Variants in EZR observed in about 807,000 individuals in gnomAD.
EZR encodes the protein cytovillin 2.
A neutral mutation model predicts 74.8 loss-of-function variants in EZR; 40 were observed. That is an observed-to-expected ratio of 0.53 (90% CI 0.42 to 0.70). The LOEUF (loss-of-function observed/expected upper bound fraction) is 0.70, where lower values mean the gene tolerates loss of function less well. EZR is among the 30% of genes least tolerant of loss of function. The probability of loss-of-function intolerance (pLI) is 0.00; values close to 1 mark genes in which losing one functional copy is unlikely to be tolerated. For synonymous variants in EZR, 341 were observed against 283.3 expected, an observed-to-expected ratio of 1.20 and a Z score of -2.05; for missense variants, 678 against 755.8, an observed-to-expected ratio of 0.90 and a Z score of 1.21.
At chr6:158,791,834 G>A (rs967604849) in intron 2 of EZR, among the ~76,000 whole-genome samples, 27 of 146,784 alleles carry the variant, frequency 1.8e-4, no homozygotes, top group African/African-American at 5.8e-4. Flanking sequence ...TTAGCCTCCC[G>A]AGTAGCTGGG....
At chr6:158,806,605 T>C (rs1766690788) in intron 2 of EZR, among the ~76,000 whole-genome samples, 1 of 152,118 alleles carries the variant, frequency 6.6e-6, no homozygotes, top group Admixed American at 6.5e-5. Flanking sequence ...TCCAACATAA[T>C]TTAAAACAAT....
chr6:158,793,227 A>C (rs1791789465), intron 2 of EZR, among the ~76,000 whole-genome samples: 1 of 151,540 alleles, frequency 6.6e-6, no homozygotes. Context: ...TGAATGAAAG[A>C]GTGAGATCCT....
chr6:158,808,396 T>C (rs945670916), intron 2 of EZR, among the ~76,000 whole-genome samples: 4 of 152,250 alleles, frequency 2.6e-5, no homozygotes, highest in African/African-American at 9.6e-5. Flanking sequence ...ATGCTATCCC[T>C]GTTGAAGTCA....
In EZR at chr6:158,776,489, A is replaced by G. The variant is rs1791283138; in HGVS notation, c.714T>C (p.Ile238=). Residue 238 remains isoleucine, a synonymous_variant, in exon 8 of 14, where the codon ATT becomes ATC. Coordinates refer to ENST00000367075, the MANE Select transcript of EZR (RefSeq NM_001111077.2). ...YEKDDKLTPK[I]GFPWSEIRNI... ...TCCTGATTTCACTCCAAGGAAAGCCAATCTTTGGGGTTAACCTGAGGTTAA... is the reference window on the plus strand; with the variant it reads ...TCCTGATTTCACTCCAAGGAAAGCCGATCTTTGGGGTTAACCTGAGGTTAA... 1.9e-6 allele frequency: 3 copies of G among 1,613,382 alleles called. No individual in the cohort carries two copies.
At position 158,818,213 on chromosome 6, in the gene EZR, T is replaced by C. The variant is rs1777605100; in HGVS notation, c.-73-47A>G. 3 of 1,101,038 alleles carry C rather than the reference T, an allele frequency of 2.7e-6. No homozygotes were observed. The African/African-American group carries it at 4.9e-5, about 18-fold the overall frequency. 68.2% of individuals were successfully genotyped at this position (1,101,038 alleles called of 1,614,324 possible). ...TAGAGCGCCCGCCCGCCCTGCCTCG[T>C]CCTCCTGCCGCGCCCGACACTCGGC... On this transcript the variant is annotated intron_variant, in intron 1 of 13. Transcript: ENST00000367075.
At chr6:158,816,556 T>C (rs1188689692) in intron 2 of EZR, among the ~76,000 whole-genome samples, 1 of 152,186 alleles carries the variant, frequency 6.6e-6, no homozygotes, top group South Asian at 2.1e-4. Context: ...GGGTTGTACT[T>C]AGGTCAGTTT....
rs78196406 is a variant in EZR, at chr6:158,770,792, A to G, written c.1062T>C (p.Tyr354=). The change falls in exon 10 of 14, where the codon TAT becomes TAC. Residue 354 remains tyrosine (Y), a synonymous_variant. Transcript: ENST00000367075. ...TCTCTGCCTTCTTTGTCTTCTCCTC[A>G]TAGTCCTGCAGCCGCAGCATCAACT... The part of the protein sequence containing the change: ...KEELMLRLQD[Y]EEKTKKAERE... 722 of 1,614,032 alleles carry G rather than the reference A, an allele frequency of 4.5e-4. 5 individuals carry two copies. In the East Asian group the frequency reaches 0.015, roughly 34 times the overall value.
Position 158,781,617 on chromosome 6 carries a change from T to G in EZR, c.698+1903A>C, listed in dbSNP as rs559019453. On this transcript the variant is annotated intron_variant, in intron 7 of 13. Transcript: ENST00000367075. ...TTACAAAATCTGGTCATTGAAGAGA[T>G]TTCCAAGGCAGAGGCAGTTTCCCAC... Among the ~76,000 whole-genome samples, 3 of 152,130 alleles carry G rather than the reference T, an allele frequency of 2.0e-5. No individual in the cohort carries two copies. The East Asian group carries it at 5.8e-4, about 29-fold the overall frequency.
intron 10 of EZR, among the ~76,000 whole-genome samples, 179 bp downstream of exon 10, chr6:158,770,585 T>A (rs983247500): frequency 7.2e-5 from 11 of 152,198 alleles, no homozygotes; most frequent in African/African-American, 2.4e-4. Context: ...AGCATCAAAG[T>A]TAAATAAGTA....
intron 7 of EZR, 68 bp from the exon 8 acceptor site, chr6:158,776,572 T>G: frequency 5.4e-6 from 6 of 1,117,210 alleles, no homozygotes; most frequent in Non-Finnish European, 7.8e-6. Context: ...TAAGAGAGAT[T>G]CGCAAATCAA....
intron 2 of EZR, among the ~76,000 whole-genome samples, chr6:158,808,169 T>C (rs1368354823): frequency 6.6e-6 from 1 of 152,200 alleles, no homozygotes; most frequent in Non-Finnish European, 1.5e-5. Flanking sequence ...GGAATCCTAG[T>C]GGCCAACCCT....
intron 2 of EZR, among the ~76,000 whole-genome samples, chr6:158,801,985 G>C (rs3127189): frequency 0.11 from 17,114 of 152,228 alleles, 991 homozygotes; most frequent in Middle Eastern, 0.15. Context: ...GACAATTCAA[G>C]CTTGGCCACA....
intron 7 of EZR, among the ~76,000 whole-genome samples, chr6:158,782,213 AGAG>A (rs1265350543): frequency 2.6e-5 from 4 of 152,138 alleles, no homozygotes; most frequent in African/African-American, 9.6e-5. Context: ...CCCGGAGGTG[AGAG>A]GAGGTTGGGC....
chr6:158,801,744 G>A (rs1485947610), intron 2 of EZR, among the ~76,000 whole-genome samples: 1 of 152,182 alleles, frequency 6.6e-6, no homozygotes, highest in East Asian at 1.9e-4. Flanking sequence ...ACTCCCCACA[G>A]GGGTCAAAGT....
chr6:158,809,994 A>G (rs1777418987), intron 2 of EZR, among the ~76,000 whole-genome samples: 1 of 152,216 alleles, frequency 6.6e-6, no homozygotes, highest in Non-Finnish European at 1.5e-5. Flanking sequence ...AACTGTCCAC[A>G]CAGGCAGTTT....
chr6:158,782,904 A>C (rs1325834811), intron 7 of EZR, among the ~76,000 whole-genome samples: 2 of 152,226 alleles, frequency 1.3e-5, no homozygotes, highest in Non-Finnish European at 1.5e-5. Flanking sequence ...AGCAGAAAGA[A>C]GGCAAATGCC....
chr6:158,790,026 G>A (rs994117702), intron 2 of EZR, among the ~76,000 whole-genome samples: 1 of 152,158 alleles, frequency 6.6e-6, no homozygotes, highest in Non-Finnish European at 1.5e-5. Context: ...GGCTCCCAAG[G>A]CACCAAGGAA....
chr6:158,818,114 C>T lies in EZR; in HGVS notation c.-21G>A, dbSNP rs761295971. ...GGCATTTTCGGTTTCTGGTGAGTAT[C>T]CTCGATCCCCGAAAACACGACTATC... On this transcript the variant is annotated 5_prime_UTR_variant, in exon 2 of 14. Transcript: ENST00000367075. The T allele has an allele frequency of 2.5e-5, 40 of 1,607,028 alleles. No homozygotes were observed. The South Asian group carries it at 4.1e-4, about 16-fold the overall frequency.
chr6:158,783,121 A>G (rs535926376), intron 7 of EZR, among the ~76,000 whole-genome samples: 2 of 152,208 alleles, frequency 1.3e-5, no homozygotes, highest in African/African-American at 4.8e-5. Context: ...CACACCATCA[A>G]TATTCTTGGT....
Sources: gnomAD v4.1 joint callset for allele counts (sites outside exome capture counted in the v4.1 genomes callset) on GRCh38, gnomAD v4.1.1 for gene constraint, MANE v1.5 for transcripts, NCBI Gene and HGNC (gene_info 2026-07-23, HGNC 2026-07-21) for gene names.